The following DCAF6 variants were observed in gnomAD, a reference collection of about 807,000 sequenced individuals.
DCAF6 encodes the protein DDB1- and CUL4-associated factor 6.
In DCAF6, 54 loss-of-function variants were observed where a neutral mutation model predicts 125.1. The observed-to-expected ratio is 0.43, with a 90% CI of 0.35 to 0.54. The LOEUF (loss-of-function observed/expected upper bound fraction) is 0.54, where lower values mean the gene tolerates loss of function less well. Ranked by LOEUF, DCAF6 falls within the 20% of genes least tolerant of loss-of-function variation. The pLI, the probability that DCAF6 is intolerant of heterozygous loss-of-function variation, is 0.01. For synonymous variants in DCAF6, 371 were observed against 390.4 expected (o/e 0.95, Z 0.58); for missense variants, 934 against 1,161.7 (o/e 0.80, Z 2.85).
upstream of DCAF6, among the ~76,000 whole-genome samples, chr1:167,930,804 T>C (rs898303111): frequency 6.6e-6 from 1 of 152,252 alleles, no homozygotes; most frequent in Admixed American, 6.5e-5. Flanking sequence ...TATTTTTACA[T>C]GACCTGGAAA....
the DCAF6 span, among the ~76,000 whole-genome samples, chr1:167,873,146 G>T: frequency 6.6e-6 from 1 of 152,116 alleles, no homozygotes; most frequent in Non-Finnish European, 1.5e-5. Context: ...CTTGTAGAAA[G>T]AAGGTTAGGA....
At chr1:167,892,096 C>G in the DCAF6 span, among the ~76,000 whole-genome samples, 7 of 151,956 alleles carry the variant, frequency 4.6e-5, no homozygotes, top group African/African-American at 1.7e-4. Flanking sequence ...CCTCAGCCTC[C>G]CTAGTAGCTG....
At chr1:167,879,340 G>A in the DCAF6 span, among the ~76,000 whole-genome samples, 2 of 152,162 alleles carry the variant, frequency 1.3e-5, no homozygotes, top group Admixed American at 1.3e-4. Flanking sequence ...CTGCTTGTAA[G>A]CCTTCAATTA....
At chr1:167,987,732 G>C (rs1181104353) in intron 5 of DCAF6, 124 bp downstream of exon 5, 2 of 496,068 alleles carry the variant, frequency 4.0e-6, no homozygotes, top group Non-Finnish European at 7.1e-6. Context: ...TAAGATTATG[G>C]GTGAATTTTT....
At chr1:167,883,945 T>A in the DCAF6 span, among the ~76,000 whole-genome samples, 8 of 152,306 alleles carry the variant, frequency 5.3e-5, no homozygotes, top group East Asian at 1.2e-3. Flanking sequence ...CTCCTATTTT[T>A]AAAAAAATTT....
intron 2 of DCAF6, among the ~76,000 whole-genome samples, chr1:167,959,089 A>T (rs773239040): frequency 2.6e-5 from 4 of 152,186 alleles, no homozygotes; most frequent in Non-Finnish European, 4.4e-5. Context: ...TATAGTCTCC[A>T]TAGTTAAGCC....
the DCAF6 span, among the ~76,000 whole-genome samples, chr1:167,922,608 C>A: frequency 4.0e-5 from 6 of 151,326 alleles, no homozygotes; most frequent in African/African-American, 1.2e-4. Flanking sequence ...AAAAAAAAAA[C>A]CTGCTCCCTA....
At chr1:167,864,877 C>A in the DCAF6 span, among the ~76,000 whole-genome samples, 1 of 143,952 alleles carries the variant, frequency 6.9e-6, no homozygotes. Flanking sequence ...TCTGTAGCAG[C>A]AGCTGCTTTG....
At chr1:167,904,340 C>G in the DCAF6 span, among the ~76,000 whole-genome samples, 1 of 152,124 alleles carries the variant, frequency 6.6e-6, no homozygotes, top group African/African-American at 2.4e-5. Flanking sequence ...CCCTCCTCGG[C>G]CTCCAAAAGT....
intron 17 of DCAF6, among the ~76,000 whole-genome samples, chr1:168,060,806 T>C (rs1691496209): frequency 6.6e-6 from 1 of 152,166 alleles, no homozygotes; most frequent in East Asian, 1.9e-4. Context: ...GGAGAATTGC[T>C]TGAACCTGGG....
chr1:167,909,121 AC>A, the DCAF6 span, among the ~76,000 whole-genome samples: 4 of 152,124 alleles, frequency 2.6e-5, no homozygotes, highest in African/African-American at 9.7e-5. Flanking sequence ...AACATAGATC[AC>A]CTTTGCCAGT....
rs371720331 is a variant in DCAF6 at position 167,966,589 on chromosome 1, T to A, written c.160-40T>A. ...GTGAAAGATGGCATATTTTCTTTTA[T>A]GTCCAATTTGCTTATATTTCTTTTT... On this transcript the variant is annotated intron_variant, in intron 2 of 21. Coordinates refer to ENST00000367840, the MANE Select transcript of DCAF6 (RefSeq NM_001198956.2). 1.8e-4 allele frequency: 238 copies of A among 1,292,972 alleles called. 1 individual carries two copies. Among genetic ancestry groups the A allele is most frequent in the Non-Finnish European group, 3.7e-5 (33 of 893,676 alleles). 80.1% of individuals were successfully genotyped at this position (1,292,972 alleles called of 1,614,324 possible).
At chr1:167,933,169 GTTTT>G (rs112730724), upstream of DCAF6, among the ~76,000 whole-genome samples, 1 of 139,258 alleles carries the variant, frequency 7.2e-6, no homozygotes, top group Non-Finnish European at 1.6e-5. Flanking sequence ...AAACACATTA[GTTTT>G]TTTTTTTTTT....
the DCAF6 span, among the ~76,000 whole-genome samples, chr1:167,873,432 G>A: frequency 6.6e-6 from 1 of 152,164 alleles, no homozygotes; most frequent in Admixed American, 6.5e-5. Context: ...TCCAAAGTGT[G>A]AGACAGAGCC....
chr1:168,017,913 A>C (rs1685189564), intron 11 of DCAF6, among the ~76,000 whole-genome samples: 1 of 152,196 alleles, frequency 6.6e-6, no homozygotes, highest in African/African-American at 2.4e-5. Context: ...CCAGTAAAAC[A>C]TATTTCTGTT....
chr1:167,967,714 C>CTTTTTTTT (rs552208317), intron 3 of DCAF6, among the ~76,000 whole-genome samples: 8 of 74,578 alleles, frequency 1.1e-4, no homozygotes, highest in African/African-American at 1.6e-4. Context: ...TTTCCTGTAT[C>CTTTTTTTT]TTTTTTTTTT....
chr1:167,917,456 G>A, the DCAF6 span: 1 of 152,418 alleles, frequency 6.6e-6, no homozygotes, highest in East Asian at 1.9e-4. Context: ...AAATTAGCTG[G>A]GTGTGGTGGT....
At chr1:167,936,478 T>C (rs1344998226), upstream of DCAF6, 1 of 186,496 alleles carries the variant, frequency 5.4e-6, no homozygotes, top group African/African-American at 2.4e-5. Context: ...CTTAAGGATC[T>C]GGTTAGAGTG....
chr1:167,925,470 T>TATATAC, the DCAF6 span, among the ~76,000 whole-genome samples: 17 of 107,770 alleles, frequency 1.6e-4, no homozygotes, highest in East Asian at 4.1e-3. Flanking sequence ...TATATATATA[T>TATATAC]ATATACATAT....
Sources: gnomAD v4.1 joint callset for allele counts (sites outside exome capture counted in the v4.1 genomes callset) on GRCh38, gnomAD v4.1.1 for gene constraint, MANE v1.5 for transcripts, NCBI Gene and HGNC (gene_info 2026-07-23, HGNC 2026-07-21) for gene names.